Variants in SCCPDH observed in about 807,000 individuals in gnomAD.
The protein encoded by SCCPDH is saccharopine dehydrogenase-like oxidoreductase.
In SCCPDH, 34 loss-of-function variants were observed where a neutral mutation model predicts 51.5. That is an observed-to-expected ratio of 0.66 (90% CI 0.50 to 0.88). SCCPDH has a LOEUF of 0.88. SCCPDH is among the 40% of genes least tolerant of loss of function. SCCPDH has a pLI of 0.00. For missense variants in SCCPDH, 464 were observed against 527.1 expected (o/e 0.88, Z 1.17); for synonymous variants, 187 against 191.3 (o/e 0.98, Z 0.19).
chr1:246,724,557 G>T lies in SCCPDH; in HGVS notation c.135G>T (p.Ala45=). 1 of 1,541,932 alleles carries T rather than the reference G, an allele frequency of 6.5e-7. No homozygotes were observed. The highest frequency in any genetic ancestry group is 2.0e-5 in the Admixed American group (1 of 49,526). ...ERSSRLPWAV[A]GRSREKLQRV... is the part of the protein sequence containing the mutation. ...GCTCCCGCCTGCCCTGGGCCGTGGC[G>T]GGCCGCTCCCGGGAGAAGCTGCAGC... is the stretch of plus-strand genomic sequence containing the variant. Residue 45 remains alanine (A), a synonymous_variant, in exon 1 of 12, where the codon GCG becomes GCT. Transcript: ENST00000366510.
chr1:246,758,071 C>G (rs1318297766), intron 5 of SCCPDH, among the ~76,000 whole-genome samples, 155 bp from the exon 6 acceptor site: 21 of 151,910 alleles, frequency 1.4e-4, no homozygotes, highest in Admixed American at 7.9e-4. Context: ...TGCTCCCTAG[C>G]TGGTCATGAA....
chr1:246,737,233 TAAA>T (rs11374908), intron 3 of SCCPDH, among the ~76,000 whole-genome samples: 2 of 143,000 alleles, frequency 1.4e-5, no homozygotes, highest in South Asian at 2.2e-4. Context: ...GGAAACAAAT[TAAA>T]AAAAAAAAAA....
intron 2 of SCCPDH, among the ~76,000 whole-genome samples, chr1:246,729,635 A>G (rs1668461144): frequency 7.2e-6 from 1 of 139,434 alleles, no homozygotes; most frequent in South Asian, 2.1e-4. Context: ...CACATGTTTT[A>G]CAGTTTGTAC....
Position 246,725,035 on chromosome 1 carries a change from G to T in SCCPDH, c.190+423G>T, listed in dbSNP as rs1004301842. ...GGAGGGCTTTGGTCTCTTGGAGATC[G>T]GAGTCTCCCTTTGCCTCGTGTTTTG... On this transcript the variant is annotated intron_variant, in intron 1 of 11. Coordinates refer to ENST00000366510, the MANE Select transcript of SCCPDH (RefSeq NM_016002.3). 3.3e-5 allele frequency among the ~76,000 whole-genome samples: 5 copies of T among 152,220 alleles called. No individual in the cohort carries two copies. In the South Asian group the frequency reaches 1.0e-3, roughly 32 times the overall value.
chr1:246,761,357 GAGC>G (rs1279790086), intron 9 of SCCPDH, among the ~76,000 whole-genome samples: 8 of 152,220 alleles, frequency 5.3e-5, no homozygotes, highest in Admixed American at 3.9e-4. Context: ...TTACAGGCGT[GAGC>G]CACTGCGCCC....
chr1:246,746,151 G>A (rs1349362825), intron 5 of SCCPDH, among the ~76,000 whole-genome samples: 4 of 148,970 alleles, frequency 2.7e-5, no homozygotes, highest in Non-Finnish European at 5.9e-5. Context: ...GGCTTTATTT[G>A]GCTGGAGCTT....
At chr1:246,728,420 C>T (rs890708651) in intron 2 of SCCPDH, among the ~76,000 whole-genome samples, 3 of 152,150 alleles carry the variant, frequency 2.0e-5, no homozygotes, top group African/African-American at 7.2e-5. Context: ...CTGGAAAAAT[C>T]CCAGCCCTGG....
intron 3 of SCCPDH, among the ~76,000 whole-genome samples, chr1:246,739,306 C>T (rs1668644409): frequency 6.6e-6 from 1 of 152,114 alleles, no homozygotes; most frequent in Non-Finnish European, 1.5e-5. Flanking sequence ...GCACTTTACC[C>T]CTGTGGTCTC....
Position 246,746,796 on chromosome 1 carries a change from G to A in SCCPDH, c.564+2671G>A, listed in dbSNP as rs112381148. On this transcript the variant is annotated intron_variant, in intron 5 of 11. Coordinates refer to ENST00000366510, the MANE Select transcript of SCCPDH (RefSeq NM_016002.3). ...GCAGAGGTTGCAGTGAGCCGAGATCGTGCCACTGCACCCCTGCCTGGGTAA... is the reference window on the plus strand; with the variant it reads ...GCAGAGGTTGCAGTGAGCCGAGATCATGCCACTGCACCCCTGCCTGGGTAA... 2.9e-3 allele frequency among the ~76,000 whole-genome samples: 449 copies of A among 152,350 alleles called. 3 individuals are homozygous for A. Among genetic ancestry groups the A allele is most frequent in the Non-Finnish European group, 4.6e-3 (310 of 68,032 alleles).
At position 246,737,233 on chromosome 1, in the gene SCCPDH, TA is replaced by T. The variant is rs11374908; in HGVS notation, c.384+1192del. ...TTGATTCAAAAAGGAGGAAACAAAT[TA>T]AAAAAAAAAAAAAGCCCAGGCGAGG... On this transcript the variant is annotated intron_variant, in intron 3 of 11. Coordinates refer to ENST00000366510, the MANE Select transcript of SCCPDH (RefSeq NM_016002.3). Among the ~76,000 whole-genome samples, 874 of 143,000 alleles carry T rather than the reference TA, an allele frequency of 6.1e-3. 8 individuals carry two copies. Among genetic ancestry groups the T allele is most frequent in the African/African-American group, 0.021 (827 of 38,864 alleles). The allele number at this position is 143,000 out of a possible 152,430, so 93.8% of individuals were successfully genotyped here. A position where few individuals can be genotyped will look rare whatever the true frequency, so the allele number is the denominator to read the frequency against.
At chr1:246,738,984 T>G (rs1473727739) in intron 3 of SCCPDH, among the ~76,000 whole-genome samples, 2 of 152,158 alleles carry the variant, frequency 1.3e-5, no homozygotes, top group Non-Finnish European at 2.9e-5. Flanking sequence ...TGTGTTAATG[T>G]GTTTGTATGT....
intron 1 of SCCPDH, 28 bp downstream of exon 1, chr1:246,724,640 C>T: frequency 7.0e-7 from 1 of 1,435,506 alleles, no homozygotes; most frequent in Non-Finnish European, 9.0e-7. Context: ...GACGGGGCTG[C>T]GCGGGCGGCT....
At chr1:246,734,145 A>G (rs1668534448) in intron 2 of SCCPDH, among the ~76,000 whole-genome samples, 2 of 152,168 alleles carry the variant, frequency 1.3e-5, no homozygotes, top group Non-Finnish European at 2.9e-5. Flanking sequence ...CATGCAACCC[A>G]GGTGATTCTA....
intron 5 of SCCPDH, among the ~76,000 whole-genome samples, chr1:246,746,766 G>A (rs181673345): frequency 2.6e-5 from 4 of 152,328 alleles, no homozygotes; most frequent in Admixed American, 2.0e-4. Context: ...GCTTGAACTT[G>A]GGAGGCAGAG....
chr1:246,750,721 TGAAAAG>T (rs1305061132), intron 5 of SCCPDH, among the ~76,000 whole-genome samples: 1 of 152,224 alleles, frequency 6.6e-6, no homozygotes, highest in Non-Finnish European at 1.5e-5. Context: ...CAGTTGTACT[TGAAAAG>T]GGAATAGTTT....
At chr1:246,732,697 G>C (rs766838461) in intron 2 of SCCPDH, among the ~76,000 whole-genome samples, 1 of 152,072 alleles carries the variant, frequency 6.6e-6, no homozygotes, top group African/African-American at 2.4e-5. Context: ...CTGCTTCCAG[G>C]TTTTAACCTG....
intron 2 of SCCPDH, among the ~76,000 whole-genome samples, chr1:246,730,113 T>C (rs1002549654): frequency 3.9e-5 from 6 of 152,132 alleles, no homozygotes; most frequent in African/African-American, 1.4e-4. Flanking sequence ...AGCAGCCTCC[T>C]TGGAAGAATT....
chr1:246,758,982 G>A (rs951698114), intron 6 of SCCPDH, 52 bp from the exon 7 acceptor site: 103 of 1,035,104 alleles, frequency 1.0e-4, no homozygotes, highest in Non-Finnish European at 1.5e-4. Context: ...ACATTTACCA[G>A]CCAAAGTTGT....
chr1:246,759,863 T>G, intron 7 of SCCPDH, 94 bp from the exon 8 acceptor site: 1 of 1,341,128 alleles, frequency 7.5e-7, no homozygotes, highest in East Asian at 2.4e-5. Flanking sequence ...TGTTCCACAT[T>G]TGTGATGGAA....
Sources: allele counts gnomAD v4.1 joint callset (sites outside exome capture counted in the v4.1 genomes callset), GRCh38; gene constraint gnomAD v4.1.1; transcripts MANE v1.5; gene names NCBI Gene and HGNC (gene_info 2026-07-23, HGNC 2026-07-21).